Variants in LONRF1 observed in about 807,000 individuals in gnomAD.
The protein encoded by LONRF1 is LON peptidase N-terminal domain and RING finger protein 1.
In LONRF1, 37 loss-of-function variants were observed where a neutral mutation model predicts 85.8. That is an observed-to-expected ratio of 0.43 (90% CI 0.33 to 0.57). LONRF1 has a LOEUF of 0.57. LONRF1 is among the 20% of genes least tolerant of loss of function. The pLI, the probability that LONRF1 is intolerant of heterozygous loss-of-function variation, is 0.04. For missense variants in LONRF1, 1,036 were observed against 978.0 expected (o/e 1.06, Z -0.79); for synonymous variants, 517 against 390.1 (o/e 1.33, Z -3.83).
intron 1 of LONRF1, among the ~76,000 whole-genome samples, chr8:12,744,210 A>T (rs1201899200): frequency 1.3e-5 from 2 of 152,184 alleles, no homozygotes; most frequent in Admixed American, 6.5e-5. Flanking sequence ...AAATTTATCA[A>T]TAGCTGCCGG....
At chr8:12,751,558 G>A (rs892226410) in intron 1 of LONRF1, among the ~76,000 whole-genome samples, 48 of 151,806 alleles carry the variant, frequency 3.2e-4, no homozygotes, top group African/African-American at 1.1e-3. Context: ...GCCCGCCTCG[G>A]TCTCCCAAAG....
At chr8:12,735,585 C>T in intron 6 of LONRF1, 185 bp from the exon 7 acceptor site, 2 of 550,654 alleles carry the variant, frequency 3.6e-6, no homozygotes, top group South Asian at 2.2e-5. Flanking sequence ...TAAAATTCTC[C>T]ATCAACAAAG....
intron 10 of LONRF1, among the ~76,000 whole-genome samples, chr8:12,727,820 C>T (rs778305361): frequency 4.5e-4 from 69 of 152,160 alleles, no homozygotes; most frequent in Non-Finnish European, 8.1e-4. Flanking sequence ...AGACAAAGTA[C>T]CCCCATAGCA....
intron 3 of LONRF1, among the ~76,000 whole-genome samples, chr8:12,739,450 G>A (rs1465590888): frequency 5.3e-5 from 8 of 151,704 alleles, no homozygotes; most frequent in East Asian, 1.9e-4. Context: ...ACAAAAATCT[G>A]AACAGTAGTT....
chr8:12,736,580 T>G, intron 6 of LONRF1, 121 bp downstream of exon 6: 1 of 672,152 alleles, frequency 1.5e-6, no homozygotes, highest in Non-Finnish European at 2.4e-6. Flanking sequence ...AAAATTCATG[T>G]CTTTTGATTT....
intron 11 of LONRF1, among the ~76,000 whole-genome samples, chr8:12,724,157 A>G (rs1585216076): frequency 6.6e-6 from 1 of 152,180 alleles, no homozygotes; most frequent in African/African-American, 2.4e-5. Context: ...TTCCACAGAC[A>G]TTACAAACTG....
At chr8:12,740,189 C>G (rs1177064541) in intron 3 of LONRF1, among the ~76,000 whole-genome samples, 8 of 152,122 alleles carry the variant, frequency 5.3e-5, no homozygotes, top group Admixed American at 5.2e-4. Flanking sequence ...GACTGGGACC[C>G]TGAATTTGTA....
chr8:12,730,335 T>G (rs890503129), intron 8 of LONRF1, among the ~76,000 whole-genome samples: 5 of 152,252 alleles, frequency 3.3e-5, no homozygotes, highest in African/African-American at 9.6e-5. Flanking sequence ...TTTGGAAATA[T>G]GTATGCCAAA....
chr8:12,754,498 G>A (rs1337456245), intron 1 of LONRF1, among the ~76,000 whole-genome samples: 1 of 151,918 alleles, frequency 6.6e-6, no homozygotes, highest in Non-Finnish European at 1.5e-5. Flanking sequence ...CGGCTCCCAG[G>A]GCGATCCCCA....
At chr8:12,738,449 T>G (rs969306039) in intron 3 of LONRF1, among the ~76,000 whole-genome samples, 2 of 152,194 alleles carry the variant, frequency 1.3e-5, no homozygotes, top group African/African-American at 4.8e-5. Flanking sequence ...TTAAAAGACA[T>G]ATTAAATATT....
intron 3 of LONRF1, among the ~76,000 whole-genome samples, chr8:12,739,957 C>A (rs1454484094): frequency 6.6e-6 from 1 of 152,126 alleles, no homozygotes; most frequent in African/African-American, 2.4e-5. Flanking sequence ...GATCTGAGAA[C>A]AATCTCAAAG....
Position 12,754,970 on chromosome 8 carries a change from G to C in LONRF1, c.451C>G (p.Leu151Val), listed in dbSNP as rs1271138888. The C allele has an allele frequency of 1.3e-5, 19 of 1,491,908 alleles. No homozygotes were observed. The highest frequency in any genetic ancestry group is 1.7e-5 in the Non-Finnish European group (19 of 1,126,864). The allele number at this position is 1,491,908 out of a possible 1,614,324, so 92.4% of individuals were successfully genotyped here. Residue 151 changes from leucine to valine, a missense_variant, in exon 1 of 12, where the codon CTC (leucine) becomes GTC (valine). By Grantham distance (32) the Leu-to-Val change is conservative. Transcript: ENST00000398246. ...SYCRRCLRRELRARCRLCRDR... is the reference protein window; with the variant it reads ...SYCRRCLRREVRARCRLCRDR... ...CGGCAGAGGCGGCAGCGGGCGCGGA[G>C]TTCCCTCCGCAGGCAGCGGCGGCAG...
At position 12,723,056 on chromosome 8, in the gene LONRF1, C is replaced by A. The variant is rs1805977450; in HGVS notation, c.*40G>T. 2 of 1,525,316 alleles carry A rather than the reference C, an allele frequency of 1.3e-6. No individual in the cohort carries two copies. The highest frequency in any genetic ancestry group is 1.8e-6 in the Non-Finnish European group (2 of 1,132,838). The allele number at this position is 1,525,316 out of a possible 1,614,324, so 94.5% of individuals were successfully genotyped here. Reference sequence around the variant, plus strand: ...GCAGACAATCTGGCCATCAATGCAGCCAGATTAGGGTCACTTTAAAGGGAG... The same window carrying A: ...GCAGACAATCTGGCCATCAATGCAGACAGATTAGGGTCACTTTAAAGGGAG... On this transcript the variant is annotated 3_prime_UTR_variant, in exon 12 of 12. Transcript: ENST00000398246.
Position 12,740,860 on chromosome 8 carries a change from G to A in LONRF1, c.963+14C>T, listed in dbSNP as rs149302655. ...AGCCCTACCATGAACTGTAATTGTT[G>A]GTAAACTGATTACCTTTTGTACTTG... is the stretch of plus-strand genomic sequence containing the variant. On this transcript the variant is annotated intron_variant, in intron 3 of 11. Transcript: ENST00000398246. 5.4e-4 allele frequency: 872 copies of A among 1,610,696 alleles called. 2 individuals carry two copies. In the East Asian group the frequency reaches 0.011, roughly 21 times the overall value.
intron 4 of LONRF1, chr8:12,737,448 C>T: frequency 2.0e-6 from 1 of 492,532 alleles, no homozygotes; most frequent in South Asian, 1.8e-5. Context: ...AGTATAACAA[C>T]TATTTACATA....
intron 10 of LONRF1, among the ~76,000 whole-genome samples, chr8:12,728,193 C>T (rs566752440): frequency 6.6e-6 from 1 of 152,250 alleles, no homozygotes; most frequent in South Asian, 2.1e-4. Context: ...GTATTTGTAG[C>T]ATCATAAGTC....
chr8:12,750,110 G>C (rs2117344240), intron 1 of LONRF1, among the ~76,000 whole-genome samples: 1 of 152,276 alleles, frequency 6.6e-6, no homozygotes, highest in East Asian at 1.9e-4. Context: ...CTTCCCTTAA[G>C]AAAGTCACCC....
At chr8:12,738,487 C>G (rs577965244) in intron 3 of LONRF1, 1 of 158,904 alleles carries the variant, frequency 6.3e-6, no homozygotes, top group South Asian at 1.8e-4. Flanking sequence ...GAGCCCTATG[C>G]TATCAAAATA....
chr8:12,743,083 A>C, intron 2 of LONRF1, 81 bp downstream of exon 2: 1 of 912,682 alleles, frequency 1.1e-6, no homozygotes, highest in Non-Finnish European at 1.8e-6. Context: ...CTACTTTGTT[A>C]AAATTCCTAA....
Sources: gnomAD v4.1 joint callset for allele counts (sites outside exome capture counted in the v4.1 genomes callset) on GRCh38, gnomAD v4.1.1 for gene constraint, MANE v1.5 for transcripts, NCBI Gene and HGNC (gene_info 2026-07-23, HGNC 2026-07-21) for gene names.